The following SEM1 variants were observed in gnomAD, a reference collection of about 807,000 sequenced individuals.
SEM1 encodes the protein 26S proteasome complex subunit SEM1.
SEM1 carries 3 observed loss-of-function variants against 12.7 expected under a neutral mutation model. That is an observed-to-expected ratio of 0.24 (90% confidence interval 0.11 to 0.61). The LOEUF is 0.61. Among genes scored for constraint, SEM1 ranks in the 20% least tolerant of loss-of-function variants. SEM1 has a pLI of 0.88. For synonymous variants in SEM1, 30 were observed against 27.8 expected (o/e 1.08, Z -0.25); for missense variants, 59 against 81.3 (o/e 0.73, Z 1.06).
At chr7:96,496,448 A>C, upstream of SEM1, 5 of 555,824 alleles carry the variant, frequency 9.0e-6, no homozygotes, top group Non-Finnish European at 1.3e-5. Flanking sequence ...CCCCCAACAA[A>C]TGGAACATAT....
rs67174798 is a variant in SEM1 at position 96,703,972 on chromosome 7, AACACACACACACAC to A, written c.76+5702_76+5715del. Among the ~76,000 whole-genome samples the A allele has an allele frequency of 1.1e-4, 16 of 142,182 alleles. No homozygotes were observed. The South Asian group carries it at 1.4e-3, about 12-fold the overall frequency. 93.3% of individuals were successfully genotyped at this position (142,182 alleles called of 152,430 possible). On this transcript the variant is annotated intron_variant, in intron 1 of 2. Transcript: ENST00000248566. ...CCAGAGCAAGACCTTGTCTCTTAAAAACACACACACACACACACACACACACACACACACACACA... is the reference window on the plus strand; with the variant it reads ...CCAGAGCAAGACCTTGTCTCTTAAAAACACACACACACACACACACACACA...
At chr7:96,530,971 T>G (rs959391894) in intron 2 of SEM1, among the ~76,000 whole-genome samples, 25 of 152,038 alleles carry the variant, frequency 1.6e-4, no homozygotes, top group African/African-American at 5.8e-4. Context: ...ACACAGTTAG[T>G]CAGGCGCCAT....
intron 2 of SEM1, among the ~76,000 whole-genome samples, chr7:96,507,607 G>C (rs1803797428): frequency 6.6e-6 from 1 of 152,104 alleles, no homozygotes; most frequent in South Asian, 2.1e-4. Context: ...GAAGAATGCT[G>C]TGGATGATGG....
intron 2 of SEM1, among the ~76,000 whole-genome samples, chr7:96,601,670 T>C (rs890632593): frequency 6.6e-6 from 1 of 152,184 alleles, no homozygotes. Context: ...ACTTTTACTG[T>C]CACTGAGATT....
intron 2 of SEM1, among the ~76,000 whole-genome samples, chr7:96,593,267 T>C (rs746079485): frequency 8.5e-5 from 13 of 152,216 alleles, no homozygotes; most frequent in Non-Finnish European, 1.3e-4. Context: ...CAACAACACA[T>C]ATTGCTTGAT....
chr7:96,600,170 G>A (rs1807154392), intron 2 of SEM1, among the ~76,000 whole-genome samples: 2 of 152,268 alleles, frequency 1.3e-5, no homozygotes, highest in African/African-American at 4.8e-5. Flanking sequence ...TTGTGCTGAA[G>A]TCTTAAGTAG....
At chr7:96,585,342 G>A (rs568490288) in intron 2 of SEM1, among the ~76,000 whole-genome samples, 159 of 152,288 alleles carry the variant, frequency 1.0e-3, no homozygotes, top group African/African-American at 3.6e-3. Flanking sequence ...TCCCAGCTTC[G>A]TGCTGGGAGA....
At chr7:96,588,138 G>T (rs1023436839) in intron 2 of SEM1, among the ~76,000 whole-genome samples, 1 of 152,042 alleles carries the variant, frequency 6.6e-6, no homozygotes, top group African/African-American at 2.4e-5. Flanking sequence ...GGAGGCCGAG[G>T]TGGAAGGATC....
intron 2 of SEM1, among the ~76,000 whole-genome samples, chr7:96,654,466 C>CTTTGAAT (rs1809111515): frequency 6.6e-6 from 1 of 152,142 alleles, no homozygotes; most frequent in Non-Finnish European, 1.5e-5. Flanking sequence ...AGAAACCATA[C>CTTTGAAT]TTTGAATTTT....
At chr7:96,656,623 TA>T (rs1440952847) in intron 2 of SEM1, 2 of 151,480 alleles carry the variant, frequency 1.3e-5, no homozygotes, top group Non-Finnish European at 2.9e-5. Flanking sequence ...TTCTTCCATC[TA>T]AATTCAAAAT....
chr7:96,698,994 A>G (rs1325701493), intron 1 of SEM1, among the ~76,000 whole-genome samples: 7 of 151,996 alleles, frequency 4.6e-5, no homozygotes, highest in African/African-American at 1.7e-4. Flanking sequence ...TTTAATTTTA[A>G]TTCCATAAAA....
At position 96,709,758 on chromosome 7, in the gene SEM1, T is replaced by G; in HGVS notation, c.6A>C (p.Ser2=). ...CTAAGTCTACCGGCTGCTTTTTCTC[T>G]GACATCTCGACTGTCCGCGCCCAAC... M[S]EKKQPVDLGL... Residue 2 remains serine (S), a synonymous_variant, in exon 1 of 3, where the codon TCA becomes TCC. Transcript: ENST00000248566. 1 of 1,613,954 alleles carries G rather than the reference T, an allele frequency of 6.2e-7. No individual in the cohort carries two copies. Among genetic ancestry groups the G allele is most frequent in the Non-Finnish European group, 8.5e-7 (1 of 1,179,964 alleles).
At chr7:96,560,096 C>T (rs1274129279) in intron 2 of SEM1, among the ~76,000 whole-genome samples, 1 of 152,134 alleles carries the variant, frequency 6.6e-6, no homozygotes, top group Admixed American at 6.5e-5. Context: ...ACATGTGGCA[C>T]GTAGGTTGCT....
intron 2 of SEM1, among the ~76,000 whole-genome samples, chr7:96,528,709 GA>G (rs1464931656): frequency 6.6e-6 from 1 of 152,072 alleles, no homozygotes; most frequent in Non-Finnish European, 1.5e-5. Context: ...GAGCTTGTTA[GA>G]AATGCAGAAT....
Position 96,564,481 on chromosome 7 carries a change from T to C in SEM1, c.171-57783A>G, listed in dbSNP as rs142567325. 5.4e-4 allele frequency among the ~76,000 whole-genome samples: 82 copies of C among 152,194 alleles called. No homozygotes were observed. The East Asian group carries it at 0.011, about 21-fold the overall frequency. On this transcript the variant is annotated intron_variant and NMD_transcript_variant, in intron 2 of 3. Coordinates refer to the SEM1 transcript ENST00000466986. ...AGGATGTGTAGTCATGTGACCAGGT[T>C]CTGGAGATTAGCAAGTAAGTGGAAG...
chr7:96,505,962 A>G (rs4440558), intron 3 of SEM1, among the ~76,000 whole-genome samples: 109,341 of 151,998 alleles, frequency 0.72, 39,799 homozygotes, highest in East Asian at 0.87. Flanking sequence ...TTGTTTACCT[A>G]TTTTCAAAAT....
downstream of SEM1, chr7:96,672,982 G>C (rs1003607970): frequency 6.6e-6 from 1 of 151,612 alleles, no homozygotes; most frequent in Non-Finnish European, 1.5e-5. Flanking sequence ...ATACTACTTA[G>C]AATTAAGTGA....
chr7:96,595,008 A>C (rs1234049914), intron 2 of SEM1, among the ~76,000 whole-genome samples: 11 of 152,172 alleles, frequency 7.2e-5, no homozygotes, highest in Admixed American at 7.2e-4. Flanking sequence ...TAGTTACTGC[A>C]AAATAAAACT....
chr7:96,559,218 C>G (rs1163319300), intron 2 of SEM1, among the ~76,000 whole-genome samples: 1 of 152,124 alleles, frequency 6.6e-6, no homozygotes. Flanking sequence ...ATATTTTTCC[C>G]ATTTCTATCT....
Sources: allele counts gnomAD v4.1 joint callset (sites outside exome capture counted in the v4.1 genomes callset), GRCh38; gene constraint gnomAD v4.1.1; transcripts MANE v1.5; gene names NCBI Gene and HGNC (gene_info 2026-07-23, HGNC 2026-07-21).